Variants in NSRP1 observed in about 807,000 individuals in gnomAD.
NSRP1 encodes coiled-coil domain containing 55.
NSRP1 carries 24 observed loss-of-function variants against 54.7 expected under a neutral mutation model. The observed-to-expected ratio is 0.44, with a 90% CI of 0.32 to 0.62. The LOEUF (loss-of-function observed/expected upper bound fraction) is 0.62. Among genes scored for constraint, NSRP1 ranks in the 20% least tolerant of loss-of-function variants. The pLI is 0.06. For missense variants in NSRP1, 596 were observed against 651.2 expected (o/e 0.92, Z 0.92); for synonymous variants, 210 against 213.8 (o/e 0.98, Z 0.15).
At chr17:30,122,485 A>G (rs2071613522) in intron 2 of NSRP1, 2 of 133,100 alleles carry the variant, frequency 1.5e-5, no homozygotes, top group Non-Finnish European at 3.1e-5. Context: ...GCTTATTGCA[A>G]TCTCTGCCTC....
At chr17:30,130,997 G>T (rs1049624103) in intron 2 of NSRP1, among the ~76,000 whole-genome samples, 27 of 152,168 alleles carry the variant, frequency 1.8e-4, no homozygotes, top group African/African-American at 6.5e-4. Context: ...CAAGGTGGTG[G>T]TGGTGGGGGG....
chr17:30,174,108 G>A (rs1373452734), intron 3 of NSRP1, among the ~76,000 whole-genome samples: 3 of 152,130 alleles, frequency 2.0e-5, no homozygotes, highest in African/African-American at 7.2e-5. Context: ...CTTATCCAAG[G>A]TAATACAGGT....
At chr17:30,169,967 CAT>C (rs1428497641) in intron 2 of NSRP1, among the ~76,000 whole-genome samples, 5 of 151,850 alleles carry the variant, frequency 3.3e-5, no homozygotes, top group South Asian at 4.2e-4. Context: ...AAAACTTACA[CAT>C]ATGTTTTTAT....
chr17:30,178,032 T>G lies in NSRP1; in HGVS notation c.172-39T>G, dbSNP rs368980935. On this transcript the variant is annotated intron_variant, in intron 3 of 6. Transcript: ENST00000247026. ...CATAGACTTTGTTGTATCTATTGGC[T>G]GGCTCATATTTTTGAAACATGTTTA... 5.8e-5 allele frequency: 93 copies of G among 1,605,052 alleles called. No individual in the cohort carries two copies. The African/African-American group carries it at 1.0e-3, about 18-fold the overall frequency.
At chr17:30,152,208 T>C (rs979214097) in intron 2 of NSRP1, among the ~76,000 whole-genome samples, 5 of 151,974 alleles carry the variant, frequency 3.3e-5, no homozygotes, top group African/African-American at 1.2e-4. Context: ...CGGCAACCTC[T>C]GCTTCCCGGG....
intron 2 of NSRP1, among the ~76,000 whole-genome samples, chr17:30,135,002 A>G (rs969151588): frequency 1.5e-5 from 2 of 136,180 alleles, no homozygotes; most frequent in Admixed American, 1.4e-4. Context: ...GTCCGGATAT[A>G]TATATATATT....
At chr17:30,124,719 C>G (rs1245774686) in intron 2 of NSRP1, among the ~76,000 whole-genome samples, 5 of 152,164 alleles carry the variant, frequency 3.3e-5, no homozygotes, top group African/African-American at 9.7e-5. Context: ...GAGATTCAGT[C>G]TTAGAGAGAA....
At chr17:30,171,645 G>C (rs1343681261) in intron 2 of NSRP1, among the ~76,000 whole-genome samples, 2 of 151,956 alleles carry the variant, frequency 1.3e-5, no homozygotes, top group African/African-American at 4.8e-5. Flanking sequence ...TTCCCTTTCA[G>C]ACTGTTTATC....
intron 6 of NSRP1, among the ~76,000 whole-genome samples, chr17:30,182,266 A>C (rs1342066165): frequency 6.6e-6 from 1 of 152,146 alleles, no homozygotes; most frequent in African/African-American, 2.4e-5. Flanking sequence ...GCCTTCCTAA[A>C]ATGTAAGACT....
rs372734687 is a variant in NSRP1 at position 30,179,191 on chromosome 17, G to T, written c.402G>T (p.Lys134Asn). 1.9e-6 allele frequency: 3 copies of T among 1,611,394 alleles called. No homozygotes were observed. Among genetic ancestry groups the T allele is most frequent in the Non-Finnish European group, 2.5e-6 (3 of 1,178,654 alleles). Residue 134 changes from lysine (K) to asparagine (N), a missense_variant, in exon 5 of 7, where the codon AAG becomes AAT. Coordinates refer to ENST00000247026, the MANE Select transcript of NSRP1 (RefSeq NM_032141.4). ...TACAGAGAGAACGAGAAATGGAAAA[G>T]GGGGAGTTTGATGATAAAGAAGCAT... ...KKIQREREME[K>N]GEFDDKEAFV...
intron 2 of NSRP1, among the ~76,000 whole-genome samples, chr17:30,159,027 G>A (rs982876503): frequency 4.6e-5 from 7 of 152,216 alleles, no homozygotes; most frequent in South Asian, 4.1e-4. Context: ...TAGAGATTGC[G>A]TTGAATCTGT....
intron 3 of NSRP1, among the ~76,000 whole-genome samples, chr17:30,175,369 A>C (rs1905092260): frequency 2.0e-5 from 3 of 151,762 alleles, no homozygotes; most frequent in African/African-American, 7.3e-5. Flanking sequence ...TTCATTCCTA[A>C]TGTGATTACT....
At chr17:30,155,104 T>A (rs1367673199) in intron 2 of NSRP1, among the ~76,000 whole-genome samples, 3 of 152,204 alleles carry the variant, frequency 2.0e-5, no homozygotes, top group African/African-American at 7.2e-5. Flanking sequence ...ACTACCTTTT[T>A]TTTTCTTTTT....
chr17:30,180,956 A>G lies in NSRP1; in HGVS notation c.557A>G (p.His186Arg), dbSNP rs202058173. The change falls in exon 6 of 7, where the codon CAC becomes CGC. Residue 186 changes from histidine (H) to arginine (R), a missense_variant. By Grantham distance (29) the His-to-Arg change is conservative. Transcript: ENST00000247026. ...KQKDLSGFYR[H>R]LLNQAVGEEE... ...AAAGATCTCAGTGGATTTTATAGGC[A>G]CCTATTAAATCAAGCAGTTGGTGAA... 6.8e-6 allele frequency: 11 copies of G among 1,613,768 alleles called. No individual in the cohort carries two copies. The East Asian group carries it at 2.2e-4, about 33-fold the overall frequency.
chr17:30,172,420 G>A, intron 2 of NSRP1, 122 bp from the exon 3 acceptor site: 2 of 616,382 alleles, frequency 3.2e-6, no homozygotes, highest in Non-Finnish European at 2.6e-6. Flanking sequence ...GAACCAGTAA[G>A]TATTTTAAAA....
chr17:30,151,616 G>A (rs2071911118), intron 2 of NSRP1, among the ~76,000 whole-genome samples: 1 of 152,112 alleles, frequency 6.6e-6, no homozygotes, highest in Non-Finnish European at 1.5e-5. Context: ...CTGTTTCTGA[G>A]TGCCAGAGAC....
At chr17:30,132,145 G>A (rs1190263715) in intron 2 of NSRP1, among the ~76,000 whole-genome samples, 2 of 151,606 alleles carry the variant, frequency 1.3e-5, no homozygotes, top group Admixed American at 6.6e-5. Flanking sequence ...CTACTCCGGA[G>A]GCTGAGGCAG....
intron 2 of NSRP1, among the ~76,000 whole-genome samples, chr17:30,147,556 C>T (rs558073612): frequency 6.6e-6 from 1 of 151,562 alleles, no homozygotes; most frequent in African/African-American, 2.4e-5. Context: ...CCCCGCCTCC[C>T]AGGTTCACGC....
In NSRP1 at chr17:30,185,387, G is replaced by C. The variant is rs117582579; in HGVS notation, c.1390G>C (p.Asp464His). Residue 464 changes from aspartate (D) to histidine (H), a missense_variant, in exon 7 of 7, where the codon GAT (aspartate) becomes CAT (histidine). By Grantham distance (81) the Asp-to-His change is moderately conservative (BLOSUM62 -1). Transcript: ENST00000247026. Reference sequence around the variant, plus strand: ...AAGCAGCCCAAATTCTAGGGCAAAGGATAAATTTCTTGACCAAGAAAGATC... The same window carrying C: ...AAGCAGCCCAAATTCTAGGGCAAAGCATAAATTTCTTGACCAAGAAAGATC... ...KESSPNSRAK[D>H]KFLDQERSNK... 3.3e-4 allele frequency: 537 copies of C among 1,612,410 alleles called. No individual in the cohort carries two copies. The highest frequency in any genetic ancestry group is 4.3e-4 in the Non-Finnish European group (508 of 1,179,652).
Sources: gnomAD v4.1 joint callset for allele counts (sites outside exome capture counted in the v4.1 genomes callset) on GRCh38, gnomAD v4.1.1 for gene constraint, MANE v1.5 for transcripts, NCBI Gene and HGNC (gene_info 2026-07-23, HGNC 2026-07-21) for gene names.